Variants in CCT5 observed in about 807,000 individuals in gnomAD.
CCT5 encodes the protein chaperonin containing TCP1 subunit 5, also known as T-complex protein 1 subunit epsilon.
CCT5 carries 6 observed loss-of-function variants against 55.0 expected under a neutral mutation model. That is an observed-to-expected ratio of 0.11 (90% CI 0.06 to 0.22). The LOEUF (loss-of-function observed/expected upper bound fraction) is 0.22, where lower values mean the gene tolerates loss of function less well. CCT5 is among the 10% of genes least tolerant of loss of function. CCT5 has a pLI of 1.00. For synonymous variants in CCT5, 231 were observed against 243.7 expected, an observed-to-expected ratio of 0.95 and a Z score of 0.49; for missense variants, 560 against 694.6, an observed-to-expected ratio of 0.81 and a Z score of 2.18.
In CCT5 at chr5:10,261,640, T is replaced by C. The variant is rs1327483807; in HGVS notation, c.1074T>C (p.Leu358=). 2 of 1,614,078 alleles carry C rather than the reference T, an allele frequency of 1.2e-6. No homozygotes were observed. The highest frequency in any genetic ancestry group is 1.3e-5 in the African/African-American group (1 of 74,924). The change falls in exon 8 of 11, where the codon CTT becomes CTC. Residue 358 remains leucine (L), a synonymous_variant. Transcript: ENST00000280326. ...LTAEKLGFAG[L]VQEISFGTTK... ...CCGAGAAGCTGGGCTTTGCTGGTCT[T>C]GTACAGGAGATCTCATTTGGGACAA...
chr5:10,258,804 T>C (rs2126508860), intron 6 of CCT5, among the ~76,000 whole-genome samples: 1 of 152,306 alleles, frequency 6.6e-6, no homozygotes, highest in South Asian at 2.1e-4. Flanking sequence ...ACCATCTGAC[T>C]AACACGGTGA....
chr5:10,256,203 G>T (rs765947974), intron 4 of CCT5, 50 bp downstream of exon 4: 1 of 1,510,218 alleles, frequency 6.6e-7, no homozygotes, highest in Non-Finnish European at 9.1e-7. Context: ...GAGGCAGTTT[G>T]TTTGCCATTT....
upstream of CCT5, chr5:10,249,923 AAAAAAAAAAAAC>A (rs57941186): frequency 0.054 from 69,242 of 1,287,294 alleles, 3,046 homozygotes; most frequent in East Asian, 0.28. Context: ...AAAAAAAAAA[AAAAAAAAAAAAC>A]CGGAAATGGG....
At chr5:10,250,658 G>C (rs1442902926) in intron 1 of CCT5, 5 of 1,413,816 alleles carry the variant, frequency 3.5e-6, no homozygotes, top group Non-Finnish European at 4.6e-6. Flanking sequence ...GGGCCAGCCA[G>C]GCTGGGCCGC....
intron 7 of CCT5, chr5:10,261,224 G>A (rs750613614): frequency 1.4e-5 from 7 of 492,836 alleles, no homozygotes; most frequent in Non-Finnish European, 2.2e-5. Context: ...ACGGTGCCTC[G>A]GTGGTTCTCA....
At chr5:10,263,385 A>G (rs1380976482) in intron 10 of CCT5, 71 bp downstream of exon 10, 2 of 1,359,438 alleles carry the variant, frequency 1.5e-6, no homozygotes, top group Admixed American at 1.8e-5. Context: ...CATCCACTGT[A>G]TGTGCTGTGA....
In CCT5 at chr5:10,254,676, C is replaced by T. The variant is rs768096968; in HGVS notation, c.169C>T (p.Leu57Phe). 7 of 1,613,622 alleles carry T rather than the reference C, an allele frequency of 4.3e-6. No homozygotes were observed. Among genetic ancestry groups the T allele is most frequent in the Non-Finnish European group, 5.9e-6 (7 of 1,179,774 alleles). The change falls in exon 3 of 11, where the codon CTT (leucine) becomes TTT (phenylalanine). Residue 57 changes from leucine (L) to phenylalanine (F), a missense_variant and splice_region_variant. Around this residue, in one of 4 missense-constraint regions of CCT5, gnomAD observed 137 missense variants for 181.9 expected, o/e 0.75. Transcript: ENST00000280326. ...GCCTACTAAACGTTGTTTTTTAGGGCTTGATAAGATGATGGTGGATAAGGA... is the reference window on the plus strand; with the variant it reads ...GCCTACTAAACGTTGTTTTTTAGGGTTTGATAAGATGATGGTGGATAAGGA... Reference protein sequence around the residue: ...TMRTSLGPNGLDKMMVDKDGD... With the variant: ...TMRTSLGPNGFDKMMVDKDGD...
At chr5:10,257,760 TAGTAAC>T (rs1054552440) in intron 4 of CCT5, 2 of 348,796 alleles carry the variant, frequency 5.7e-6, no homozygotes, top group Admixed American at 4.1e-5. Flanking sequence ...ACTTGTAAAA[TAGTAAC>T]AGTATTCTGT....
At chr5:10,249,982 A>G (rs755208861), upstream of CCT5, 11 of 1,547,250 alleles carry the variant, frequency 7.1e-6, no homozygotes, top group Admixed American at 3.9e-5. Flanking sequence ...GCGAAGAAAT[A>G]AAGAAATAGT....
chr5:10,260,770 A>G (rs767555420), intron 6 of CCT5, 22 bp from the exon 7 acceptor site: 1 of 1,612,514 alleles, frequency 6.2e-7, no homozygotes. Context: ...TCTTAATACG[A>G]TTGTGGTGGT....
chr5:10,260,324 G>A (rs182387429), intron 6 of CCT5, among the ~76,000 whole-genome samples: 8 of 152,328 alleles, frequency 5.3e-5, no homozygotes, highest in South Asian at 2.1e-4. Context: ...GTGAGTGCCC[G>A]AATTAGTTTA....
At chr5:10,255,811 A>C in intron 3 of CCT5, 144 bp from the exon 4 acceptor site, 1 of 733,106 alleles carries the variant, frequency 1.4e-6, no homozygotes, top group Non-Finnish European at 2.3e-6. Flanking sequence ...TCTTTTAAAA[A>C]TAGAGGGCTT....
rs1457062848 is a variant in CCT5 at position 10,264,849 on chromosome 5, C to T, written c.*66C>T. ...TTAAGTAAATGGATGTCTCGTGATGCATCTACAGTTATTTATTGTTACATC... is the reference window on the plus strand; with the variant it reads ...TTAAGTAAATGGATGTCTCGTGATGTATCTACAGTTATTTATTGTTACATC... On this transcript the variant is annotated 3_prime_UTR_variant, in exon 11 of 11. Coordinates refer to ENST00000280326, the MANE Select transcript of CCT5 (RefSeq NM_012073.5). 6.9e-6 allele frequency: 11 copies of T among 1,595,570 alleles called. No homozygotes were observed. The highest frequency in any genetic ancestry group is 1.3e-5 in the African/African-American group (1 of 74,574).
intron 6 of CCT5, among the ~76,000 whole-genome samples, chr5:10,258,923 G>T (rs1475389606): frequency 1.3e-5 from 2 of 152,174 alleles, no homozygotes; most frequent in African/African-American, 4.8e-5. Context: ...AACCCAGGAG[G>T]CAGAGGTTGC....
At chr5:10,255,360 C>T (rs1283144546) in intron 3 of CCT5, among the ~76,000 whole-genome samples, 3 of 152,020 alleles carry the variant, frequency 2.0e-5, no homozygotes, top group Non-Finnish European at 4.4e-5. Flanking sequence ...TAGTATTGTA[C>T]CTTTTTTTTC....
intron 2 of CCT5, 99 bp downstream of exon 2, chr5:10,254,304 A>AT: frequency 1.1e-6 from 1 of 899,432 alleles, no homozygotes; most frequent in Non-Finnish European, 1.8e-6. Flanking sequence ...GAGGGGAGGC[A>AT]TCTTACTTCC....
At chr5:10,258,970 G>A (rs1745817936) in intron 6 of CCT5, among the ~76,000 whole-genome samples, 1 of 152,196 alleles carries the variant, frequency 6.6e-6, no homozygotes, top group African/African-American at 2.4e-5. Context: ...TCCAGCCTGG[G>A]CGACAGAGCA....
chr5:10,259,240 G>A (rs996814414), intron 6 of CCT5, among the ~76,000 whole-genome samples: 3 of 152,168 alleles, frequency 2.0e-5, no homozygotes, highest in African/African-American at 7.2e-5. Context: ...ATACCTTAGC[G>A]TAGGTGTGCT....
rs1261974924 is a variant in CCT5 at position 10,258,372 on chromosome 5, A to G, written c.724-14A>G. 5.0e-6 allele frequency: 8 copies of G among 1,614,102 alleles called. No homozygotes were observed. The highest frequency in any genetic ancestry group is 6.8e-6 in the Non-Finnish European group (8 of 1,180,024). Reference sequence around the variant, plus strand: ...TAATTCCACCAATTAAAATGTCTTTATGTTCCCCCATAGAAAGTGGAAGAT... The same window carrying G: ...TAATTCCACCAATTAAAATGTCTTTGTGTTCCCCCATAGAAAGTGGAAGAT... On this transcript the variant is annotated splice_polypyrimidine_tract_variant and intron_variant, in intron 5 of 10. Coordinates refer to ENST00000280326, the MANE Select transcript of CCT5 (RefSeq NM_012073.5).
Sources: gnomAD v4.1 joint callset for allele counts (sites outside exome capture counted in the v4.1 genomes callset) on GRCh38, gnomAD v4.1.1 for gene constraint, gnomAD v4.1.1 regional missense constraint, MANE v1.5 for transcripts, NCBI Gene and HGNC (gene_info 2026-07-23, HGNC 2026-07-21) for gene names.